Variants in RAB38 observed in about 807,000 individuals in gnomAD.
RAB38 encodes the protein ras-related protein Rab-38.
In RAB38, 15 loss-of-function variants were observed where a neutral mutation model predicts 18.4. The ratio of observed to expected loss-of-function variants is 0.82; its 90% CI spans 0.55 to 1.26. RAB38 has a LOEUF of 1.26. Among genes scored for constraint, RAB38 ranks in the 50% most tolerant of loss-of-function variants. The pLI, the probability that RAB38 is intolerant of heterozygous loss-of-function variation, is 0.00. For synonymous variants in RAB38, 101 were observed against 104.4 expected, an observed-to-expected ratio of 0.97 and a Z score of 0.20; for missense variants, 294 against 267.4, an observed-to-expected ratio of 1.10 and a Z score of -0.69.
chr11:88,071,183 T>C, the RAB38 span, among the ~76,000 whole-genome samples: 23 of 151,950 alleles, frequency 1.5e-4, no homozygotes, highest in African/African-American at 4.8e-4. Flanking sequence ...CAGGATACCT[T>C]ACCTGCTTTC....
chr11:88,068,077 T>C, the RAB38 span, among the ~76,000 whole-genome samples: 2 of 150,988 alleles, frequency 1.3e-5, no homozygotes, highest in African/African-American at 4.9e-5. Context: ...AAAACTCAAA[T>C]TCTACAAAAC....
the RAB38 span, among the ~76,000 whole-genome samples, chr11:87,910,750 C>T: frequency 6.7e-6 from 1 of 149,054 alleles, no homozygotes; most frequent in Non-Finnish European, 1.5e-5. Flanking sequence ...AAGTGATTCT[C>T]CTGCCTCAGT....
the RAB38 span, among the ~76,000 whole-genome samples, chr11:87,868,082 T>A: frequency 6.6e-6 from 1 of 151,730 alleles, no homozygotes; most frequent in African/African-American, 2.4e-5. Flanking sequence ...TTATGTTCTA[T>A]AGCTTGGATA....
chr11:88,071,657 T>C, the RAB38 span, among the ~76,000 whole-genome samples: 1 of 152,318 alleles, frequency 6.6e-6, no homozygotes, highest in South Asian at 2.1e-4. Context: ...GGAGACTTGA[T>C]AATGACCAAT....
At chr11:87,815,996 T>C in the RAB38 span, 3 of 152,268 alleles carry the variant, frequency 2.0e-5, no homozygotes, top group African/African-American at 4.8e-5. Flanking sequence ...TGATATATAG[T>C]GTATGGCCAG....
chr11:88,150,929 T>C (rs998440414), intron 1 of RAB38, among the ~76,000 whole-genome samples: 4 of 152,192 alleles, frequency 2.6e-5, no homozygotes. Context: ...TCTGGACTCT[T>C]GCTCAGAATG....
chr11:87,817,653 T>C, the RAB38 span: 13 of 152,266 alleles, frequency 8.5e-5, no homozygotes, highest in South Asian at 2.1e-4. Context: ...TATTCCTCAA[T>C]TGGAAAAACT....
the RAB38 span, among the ~76,000 whole-genome samples, chr11:87,894,863 T>C: frequency 6.6e-6 from 1 of 151,430 alleles, no homozygotes; most frequent in South Asian, 2.1e-4. Context: ...ATGTATAGTA[T>C]TGTGGGGGAA....
chr11:87,972,848 G>A, the RAB38 span, among the ~76,000 whole-genome samples: 2 of 152,046 alleles, frequency 1.3e-5, no homozygotes, highest in Non-Finnish European at 2.9e-5. Context: ...GTAGTCCCCA[G>A]TGTTGGAGGA....
chr11:87,818,242 C>T, the RAB38 span, among the ~76,000 whole-genome samples: 3 of 152,098 alleles, frequency 2.0e-5, no homozygotes, highest in African/African-American at 7.2e-5. Flanking sequence ...AGTAAACATG[C>T]TGCCCTAAAA....
At chr11:87,819,413 A>G in the RAB38 span, among the ~76,000 whole-genome samples, 1 of 149,068 alleles carries the variant, frequency 6.7e-6, no homozygotes, top group East Asian at 2.0e-4. Context: ...CAGGCCACTG[A>G]AAAACGAGAA....
chr11:87,811,007 G>A, the RAB38 span, among the ~76,000 whole-genome samples: 1 of 152,114 alleles, frequency 6.6e-6, no homozygotes, highest in African/African-American at 2.4e-5. Flanking sequence ...TGCCTGAAGA[G>A]ACACAAGTGG....
the RAB38 span, among the ~76,000 whole-genome samples, chr11:88,076,471 G>T: frequency 2.0e-5 from 3 of 152,108 alleles, no homozygotes; most frequent in Non-Finnish European, 4.4e-5. Flanking sequence ...AATTGGAAAA[G>T]AAGTCAAATT....
the RAB38 span, among the ~76,000 whole-genome samples, chr11:88,094,102 C>T: frequency 1.2e-4 from 18 of 151,912 alleles, no homozygotes; most frequent in African/African-American, 3.6e-4. Context: ...CTCCCCAAAG[C>T]ATTGGAAGAC....
At chr11:87,814,504 A>G in the RAB38 span, among the ~76,000 whole-genome samples, 18 of 152,232 alleles carry the variant, frequency 1.2e-4, no homozygotes, top group Admixed American at 2.0e-4. Context: ...AGTACATAAA[A>G]GCACTAATGT....
chr11:88,032,211 C>T, the RAB38 span, among the ~76,000 whole-genome samples: 2 of 152,072 alleles, frequency 1.3e-5, no homozygotes, highest in East Asian at 1.9e-4. Context: ...CTTCCTTACA[C>T]CTTATACAAA....
chr11:87,847,924 C>T, the RAB38 span, among the ~76,000 whole-genome samples: 1 of 152,044 alleles, frequency 6.6e-6, no homozygotes, highest in African/African-American at 2.4e-5. Flanking sequence ...GAATACAAAC[C>T]TTGAAATTCT....
chr11:88,025,321 G>A, the RAB38 span, among the ~76,000 whole-genome samples: 2 of 151,964 alleles, frequency 1.3e-5, no homozygotes, highest in African/African-American at 2.4e-5. Context: ...TTGCTACTGT[G>A]AATAGTACAG....
the RAB38 span, among the ~76,000 whole-genome samples, chr11:88,096,676 C>A: frequency 1.3e-5 from 2 of 151,480 alleles, no homozygotes; most frequent in Non-Finnish European, 2.9e-5. Context: ...AGAAAGGAAG[C>A]AGGAATGATG....
Sources: gnomAD v4.1 joint callset for allele counts (sites outside exome capture counted in the v4.1 genomes callset) on GRCh38, gnomAD v4.1.1 for gene constraint, MANE v1.5 for transcripts, NCBI Gene and HGNC (gene_info 2026-07-23, HGNC 2026-07-21) for gene names.